Variants in ADAD1 observed in about 807,000 individuals in gnomAD.
The protein encoded by ADAD1 is adenosine deaminase domain-containing protein 1.
A neutral mutation model predicts 66.8 loss-of-function variants in ADAD1; 46 were observed. That is an observed-to-expected ratio of 0.69 (90% CI 0.54 to 0.88). The LOEUF (loss-of-function observed/expected upper bound fraction) is 0.88, where lower values mean the gene tolerates loss of function less well. ADAD1 is among the 40% of genes least tolerant of loss of function. The probability of loss-of-function intolerance (pLI) is 0.00; values close to 1 mark genes in which losing one functional copy is unlikely to be tolerated. For synonymous variants in ADAD1, 248 were observed against 229.4 expected (o/e 1.08, Z -0.73); for missense variants, 617 against 681.8 (o/e 0.91, Z 1.06).
chr4:122,398,180 A>AT (rs1225313190), intron 7 of ADAD1, among the ~76,000 whole-genome samples: 3 of 150,794 alleles, frequency 2.0e-5, no homozygotes, highest in Admixed American at 1.3e-4. Context: ...AGTCCATTAT[A>AT]TCATTCTTAT....
At chr4:122,402,655 A>G (rs1031316450) in intron 7 of ADAD1, among the ~76,000 whole-genome samples, 4 of 151,974 alleles carry the variant, frequency 2.6e-5, no homozygotes, top group East Asian at 1.9e-4. Context: ...GTCATTTAAC[A>G]TAATCCCAAA....
chr4:122,394,656 C>A (rs887630054), intron 6 of ADAD1, among the ~76,000 whole-genome samples: 1 of 152,066 alleles, frequency 6.6e-6, no homozygotes, highest in Admixed American at 6.6e-5. Flanking sequence ...GAAGAGAGGG[C>A]AATGAGGGAT....
At chr4:122,393,429 A>G (rs1057075019) in intron 5 of ADAD1, among the ~76,000 whole-genome samples, 160 bp from the exon 6 acceptor site, 5 of 152,100 alleles carry the variant, frequency 3.3e-5, no homozygotes, top group African/African-American at 1.2e-4. Flanking sequence ...TAGGAAAGAC[A>G]TTTATCAGGG....
chr4:122,405,239 A>G (rs1236909937), intron 7 of ADAD1, among the ~76,000 whole-genome samples: 1 of 152,174 alleles, frequency 6.6e-6, no homozygotes, highest in Non-Finnish European at 1.5e-5. Flanking sequence ...TCATCTCTTC[A>G]GTATTCTGGA....
intron 3 of ADAD1, among the ~76,000 whole-genome samples, chr4:122,380,669 C>G (rs980469091): frequency 6.6e-6 from 1 of 152,174 alleles, no homozygotes; most frequent in African/African-American, 2.4e-5. Context: ...CTGTGTCTTT[C>G]TGTATTCTAG....
chr4:122,425,992 A>T (rs1797216305), intron 12 of ADAD1, among the ~76,000 whole-genome samples: 1 of 152,130 alleles, frequency 6.6e-6, no homozygotes, highest in Non-Finnish European at 1.5e-5. Context: ...GAAGGAAATA[A>T]TGAAATGTAA....
chr4:122,414,471 T>C (rs750429082), intron 10 of ADAD1, among the ~76,000 whole-genome samples: 2 of 152,050 alleles, frequency 1.3e-5, no homozygotes, highest in Non-Finnish European at 2.9e-5. Flanking sequence ...TTGTTTTGTC[T>C]TGATCATTTG....
chr4:122,406,202 T>C (rs551589162), intron 7 of ADAD1, among the ~76,000 whole-genome samples: 4 of 152,330 alleles, frequency 2.6e-5, no homozygotes, highest in Non-Finnish European at 4.4e-5. Flanking sequence ...CAACAACATA[T>C]AAGGGTTTTA....
intron 5 of ADAD1, among the ~76,000 whole-genome samples, chr4:122,392,554 A>T (rs1449324373): frequency 6.6e-6 from 1 of 152,178 alleles, no homozygotes; most frequent in Non-Finnish European, 1.5e-5. Flanking sequence ...GTGGACTACT[A>T]AAGGGTGGAG....
chr4:122,407,593 T>C (rs1167223961), intron 7 of ADAD1, among the ~76,000 whole-genome samples: 1 of 152,134 alleles, frequency 6.6e-6, no homozygotes, highest in Non-Finnish European at 1.5e-5. Context: ...ATCAAATACA[T>C]CTAGATGTAG....
intron 12 of ADAD1, among the ~76,000 whole-genome samples, chr4:122,426,751 A>C (rs1380990199): frequency 6.6e-6 from 1 of 152,266 alleles, no homozygotes; most frequent in Non-Finnish European, 1.5e-5. Context: ...ATCTCAAAAG[A>C]CATACAAAAT....
chr4:122,418,448 G>A (rs1463911186), intron 11 of ADAD1, among the ~76,000 whole-genome samples: 2 of 151,100 alleles, frequency 1.3e-5, no homozygotes, highest in Admixed American at 6.6e-5. Context: ...TCAGCCTCCC[G>A]AGTAGCTGAG....
chr4:122,417,217 T>C (rs1796778840), intron 11 of ADAD1, among the ~76,000 whole-genome samples: 1 of 151,222 alleles, frequency 6.6e-6, no homozygotes, highest in Admixed American at 6.6e-5. Flanking sequence ...GTTCCTGTAA[T>C]CCCAGCTACT....
intron 6 of ADAD1, 80 bp from the exon 7 acceptor site, chr4:122,396,172 G>GT (rs1795702634): frequency 8.4e-7 from 1 of 1,186,338 alleles, no homozygotes; most frequent in African/African-American, 1.6e-5. Flanking sequence ...TAATTTGATT[G>GT]TAAGGTTATA....
At chr4:122,391,586 A>T (rs1795449072) in intron 5 of ADAD1, among the ~76,000 whole-genome samples, 1 of 152,240 alleles carries the variant, frequency 6.6e-6, no homozygotes, top group Non-Finnish European at 1.5e-5. Context: ...CCTCCAGGGA[A>T]GCCCCGCCCA....
In ADAD1 at chr4:122,422,088, C is replaced by T. The variant is rs567665623; in HGVS notation, c.1617+698C>T. Among the ~76,000 whole-genome samples the T allele has an allele frequency of 7.0e-5, 10 of 141,890 alleles. No homozygotes were observed. In the East Asian group the frequency reaches 1.9e-3, roughly 26 times the overall value. 93.1% of individuals were successfully genotyped at this position (141,890 alleles called of 152,430 possible). A position where few individuals can be genotyped will look rare whatever the true frequency, so the allele number is the denominator to read the frequency against. Reference sequence around the variant, plus strand: ...ATTGGGTATGGTATGTTTTAATCTACTTTTTCTTTCTATGTGATATGACAT... The same window carrying T: ...ATTGGGTATGGTATGTTTTAATCTATTTTTTCTTTCTATGTGATATGACAT... On this transcript the variant is annotated intron_variant, in intron 12 of 12. Transcript: ENST00000296513.
Position 122,404,961 on chromosome 4 carries a change from A to G in ADAD1, c.725-2947A>G, listed in dbSNP as rs141557034. Among the ~76,000 whole-genome samples, 12 of 152,246 alleles carry G rather than the reference A, an allele frequency of 7.9e-5. No homozygotes were observed. In the East Asian group the frequency reaches 2.3e-3, roughly 29 times the overall value. ...TGGTTAACTCTTCTTTTTTCCGGCAATAACAAACAAGTATCTCCCTGAAGC... is the reference window on the plus strand; with the variant it reads ...TGGTTAACTCTTCTTTTTTCCGGCAGTAACAAACAAGTATCTCCCTGAAGC... On this transcript the variant is annotated intron_variant, in intron 7 of 12. Coordinates refer to ENST00000296513, the MANE Select transcript of ADAD1 (RefSeq NM_139243.4).
intron 10 of ADAD1, among the ~76,000 whole-genome samples, chr4:122,414,031 A>G (rs1444104756): frequency 6.6e-6 from 1 of 150,522 alleles, no homozygotes; most frequent in Non-Finnish European, 1.5e-5. Context: ...TTTTCTAGGA[A>G]CAAGATTGAG....
At chr4:122,380,862 A>G in intron 3 of ADAD1, 130 bp from the exon 4 acceptor site, 1 of 839,154 alleles carries the variant, frequency 1.2e-6, no homozygotes, top group Non-Finnish European at 1.8e-6. Context: ...ATTGTTTAGT[A>G]GAAACTTAAG....
Sources: allele counts gnomAD v4.1 joint callset (sites outside exome capture counted in the v4.1 genomes callset), GRCh38; gene constraint gnomAD v4.1.1; transcripts MANE v1.5; gene names NCBI Gene and HGNC (gene_info 2026-07-23, HGNC 2026-07-21).